The following LTAP1 variants were observed in gnomAD, a reference collection of about 807,000 sequenced individuals.
LTAP1 encodes HCV NS5A-transactivated protein 4.
chr1:154,220,213 G>GA, the LTAP1 span: 1 of 1,148,778 alleles, frequency 8.7e-7, no homozygotes, highest in Admixed American at 1.8e-5. Context: ...ACCTACTCCT[G>GA]GAATAAGGAG....
At chr1:154,220,541 C>G in the LTAP1 span, 2 of 875,636 alleles carry the variant, frequency 2.3e-6, no homozygotes, top group Non-Finnish European at 1.8e-6. Context: ...AAGACCAAGC[C>G]AGACCCGGCC....
the LTAP1 span, among the ~76,000 whole-genome samples, chr1:154,218,901 TA>T: frequency 1.3e-5 from 2 of 152,206 alleles, no homozygotes; most frequent in Non-Finnish European, 2.9e-5. Context: ...GAACCTACTT[TA>T]AAATAGGTAA....
At chr1:154,214,584 T>TA in the LTAP1 span, 5 of 1,562,658 alleles carry the variant, frequency 3.2e-6, no homozygotes, top group Admixed American at 5.1e-5. Flanking sequence ...CCTGTTCACA[T>TA]AAAAAAAGAA....
the LTAP1 span, among the ~76,000 whole-genome samples, chr1:154,216,334 A>G: frequency 1.9e-5 from 2 of 105,254 alleles, no homozygotes; most frequent in African/African-American, 6.1e-5. Flanking sequence ...CTTGTTTAAA[A>G]AAAAAATTTT....
chr1:154,209,648 G>A, the LTAP1 span, among the ~76,000 whole-genome samples: 450 of 151,386 alleles, frequency 3.0e-3, 5 homozygotes, highest in Non-Finnish European at 1.8e-3. Context: ...GTGCAGTGGC[G>A]CGATCTTGGC....
At chr1:154,209,897 T>G in the LTAP1 span, among the ~76,000 whole-genome samples, 1 of 151,434 alleles carries the variant, frequency 6.6e-6, no homozygotes, top group Non-Finnish European at 1.5e-5. Context: ...GCCTAATTTT[T>G]TTATTTTTAG....
the LTAP1 span, among the ~76,000 whole-genome samples, chr1:154,216,696 C>T: frequency 2.0e-5 from 3 of 150,972 alleles, no homozygotes; most frequent in African/African-American, 7.3e-5. Context: ...TTGTATTTTT[C>T]GTAGAGATGG....
At chr1:154,207,117 T>C in the LTAP1 span, 1 of 233,120 alleles carries the variant, frequency 4.3e-6, no homozygotes, top group African/African-American at 2.3e-5. Context: ...TGGAATTAAA[T>C]AAACCTGGAA....
At chr1:154,214,115 T>C in the LTAP1 span, among the ~76,000 whole-genome samples, 1 of 151,980 alleles carries the variant, frequency 6.6e-6, no homozygotes, top group Admixed American at 6.6e-5. Context: ...CCGTCTCTAG[T>C]AAAAACACAA....
chr1:154,213,452 G>A, the LTAP1 span: 1 of 161,964 alleles, frequency 6.2e-6, no homozygotes, highest in Non-Finnish European at 1.4e-5. Flanking sequence ...ACATGATAGT[G>A]TCATCACACA....
the LTAP1 span, chr1:154,212,470 G>A: frequency 1.2e-6 from 2 of 1,614,132 alleles, no homozygotes; most frequent in Non-Finnish European, 1.7e-6. Flanking sequence ...CTGTCCCATA[G>A]CGGGCTGTTT....
At chr1:154,213,883 T>A in the LTAP1 span, 1 of 1,611,280 alleles carries the variant, frequency 6.2e-7, no homozygotes, top group South Asian at 1.1e-5. Flanking sequence ...CCCTGTCAGG[T>A]AGCCCTTACC....
the LTAP1 span, chr1:154,207,647 C>A: frequency 1.3e-6 from 2 of 1,597,596 alleles, no homozygotes; most frequent in Non-Finnish European, 1.7e-6. Context: ...CGTGCTTTAA[C>A]CCTGAAGAAC....
the LTAP1 span, among the ~76,000 whole-genome samples, chr1:154,211,358 G>A: frequency 1.6e-5 from 1 of 61,148 alleles, no homozygotes; most frequent in Non-Finnish European, 2.8e-5. Context: ...TTTTTTTTGA[G>A]ATGGAGTCTT....
chr1:154,214,513 T>C, the LTAP1 span: 1 of 1,614,120 alleles, frequency 6.2e-7, no homozygotes, highest in South Asian at 1.1e-5. Context: ...TGCAAGGAGC[T>C]GGGGCTCATA....
At chr1:154,216,615 C>G in the LTAP1 span, among the ~76,000 whole-genome samples, 4 of 151,900 alleles carry the variant, frequency 2.6e-5, no homozygotes, top group Admixed American at 2.6e-4. Context: ...AAGCAATTCT[C>G]CTTGCCCTCC....
At chr1:154,212,498 G>A in the LTAP1 span, 15 of 1,614,056 alleles carry the variant, frequency 9.3e-6, no homozygotes, top group Admixed American at 1.7e-5. Flanking sequence ...ATCCAAAAGG[G>A]TATCAATGAG....
chr1:154,220,497 C>G, the LTAP1 span: 88 of 1,438,576 alleles, frequency 6.1e-5, no homozygotes, highest in Non-Finnish European at 8.1e-5. Flanking sequence ...GCGCCTGGGT[C>G]CCCTGGAGCT....
the LTAP1 span, chr1:154,220,526 G>C: frequency 2.7e-6 from 3 of 1,112,718 alleles, no homozygotes; most frequent in Admixed American, 3.7e-5. Context: ...ATTTCCTTAC[G>C]GGGGAAGACC....
Sources: gnomAD v4.1 joint callset for allele counts (sites outside exome capture counted in the v4.1 genomes callset) on GRCh38, gnomAD v4.1.1 for gene constraint, MANE v1.5 for transcripts, NCBI Gene and HGNC (gene_info 2026-07-23, HGNC 2026-07-21) for gene names.